The following MAP3K4 variants were observed in gnomAD, a reference collection of about 807,000 sequenced individuals.
MAP3K4 encodes the protein mitogen-activated protein kinase kinase kinase 4.
MAP3K4 carries 67 observed loss-of-function variants against 185.6 expected under a neutral mutation model. The ratio of observed to expected loss-of-function variants is 0.36; its 90% CI spans 0.30 to 0.44. The LOEUF (loss-of-function observed/expected upper bound fraction) is 0.44. Ranked by LOEUF, MAP3K4 falls within the 20% of genes least tolerant of loss-of-function variation. The probability of loss-of-function intolerance (pLI) is 1.00; values close to 1 mark genes in which losing one functional copy is unlikely to be tolerated. For synonymous variants in MAP3K4, 702 were observed against 710.4 expected, an observed-to-expected ratio of 0.99 and a Z score of 0.19; for missense variants, 1,551 against 1,995.1, an observed-to-expected ratio of 0.78 and a Z score of 4.24.
At position 161,103,746 on chromosome 6, in the gene MAP3K4, T is replaced by G. The variant is rs988451895; in HGVS notation, c.3856+967T>G. On this transcript the variant is annotated intron_variant, in intron 19 of 26. Coordinates refer to ENST00000392142, the MANE Select transcript of MAP3K4 (RefSeq NM_005922.4). The surrounding 1 kb of genome is among the most constrained non-coding windows in gnomAD (Gnocchi z 4.6). ...TGAGTAAGACGCTGAGATAGTATAG[T>G]CTGCTAGCCAGAATTGAGGAGAAAG... 2.0e-5 allele frequency among the ~76,000 whole-genome samples: 3 copies of G among 152,198 alleles called. No individual in the cohort carries two copies. Among genetic ancestry groups the G allele is most frequent in the Non-Finnish European group, 4.4e-5 (3 of 68,036 alleles).
chr6:161,071,804 C>T lies in MAP3K4; in HGVS notation c.1950+954C>T, dbSNP rs151123272. Among the ~76,000 whole-genome samples the T allele has an allele frequency of 2.7e-4, 41 of 152,292 alleles. No individual in the cohort carries two copies. In the East Asian group the frequency reaches 6.2e-3, roughly 23 times the overall value. ...TCACCCTCTTGTTTCTGGTTATTGT[C>T]GTGCTGTCCACTTTGGCCTTGCTTT... On this transcript the variant is annotated intron_variant, in intron 4 of 26. Transcript: ENST00000392142. The surrounding 1 kb of genome is among the most constrained non-coding windows in gnomAD (Gnocchi z 4.6).
At chr6:160,999,078 A>C (rs905451036) in intron 1 of MAP3K4, among the ~76,000 whole-genome samples, 2 of 152,244 alleles carry the variant, frequency 1.3e-5, no homozygotes, top group African/African-American at 4.8e-5. Flanking sequence ...AAAGCATTTC[A>C]TACATGGATT....
chr6:161,092,005 T>C lies in MAP3K4; in HGVS notation c.3136-5T>C, dbSNP rs757002316. The C allele has an allele frequency of 4.5e-5, 72 of 1,608,044 alleles. No homozygotes were observed. Among genetic ancestry groups the C allele is most frequent in the South Asian group, 1.1e-5 (1 of 90,948 alleles). ...AATGTTGATATACATGAAATCTTCT[T>C]ACAGTATCATAAAGAAGTTGTTCGT... is the stretch of plus-strand genomic sequence containing the variant. On this transcript the variant is annotated splice_polypyrimidine_tract_variant and splice_region_variant and intron_variant, in intron 12 of 26. Transcript: ENST00000392142.
intron 18 of MAP3K4, among the ~76,000 whole-genome samples, chr6:161,102,349 A>C (rs539316786): frequency 2.4e-4 from 37 of 152,358 alleles, no homozygotes; most frequent in African/African-American, 8.7e-4. Flanking sequence ...TTTATAATGC[A>C]GCCCTCAGGA....
intron 2 of MAP3K4, among the ~76,000 whole-genome samples, chr6:161,038,156 C>T (rs188121671): frequency 9.9e-5 from 15 of 152,166 alleles, no homozygotes; most frequent in African/African-American, 3.6e-4. Context: ...ATTTGAGTGA[C>T]TCCATAGGCA....
At position 161,001,358 on chromosome 6, in the gene MAP3K4, T is replaced by C. The variant is rs139244361; in HGVS notation, c.152+9275T>C. Among the ~76,000 whole-genome samples, 145 of 152,136 alleles carry C rather than the reference T, an allele frequency of 9.5e-4. 1 individual carries two copies. Among genetic ancestry groups the C allele is most frequent in the African/African-American group, 3.3e-3 (138 of 41,516 alleles). On this transcript the variant is annotated intron_variant, in intron 1 of 26. Transcript: ENST00000392142. Reference sequence around the variant, plus strand: ...ATATTCTGTATATGCATGATATATATGTCATATGTAATCTATGTTAGGGTA... The same window carrying C: ...ATATTCTGTATATGCATGATATATACGTCATATGTAATCTATGTTAGGGTA...
chr6:161,010,925 G>A (rs533067721), intron 1 of MAP3K4, among the ~76,000 whole-genome samples: 5 of 152,118 alleles, frequency 3.3e-5, no homozygotes, highest in Admixed American at 6.5e-5. Flanking sequence ...TGTTAGAAGC[G>A]TGTGATCCTT....
At chr6:161,010,463 C>T (rs757296674) in intron 1 of MAP3K4, among the ~76,000 whole-genome samples, 5 of 151,052 alleles carry the variant, frequency 3.3e-5, no homozygotes, top group Non-Finnish European at 7.4e-5. Context: ...TTTCTTGGTT[C>T]AAAACTATAG....
At chr6:161,029,711 T>C (rs1309974824) in intron 1 of MAP3K4, among the ~76,000 whole-genome samples, 1 of 152,226 alleles carries the variant, frequency 6.6e-6, no homozygotes, top group African/African-American at 2.4e-5. Flanking sequence ...ACTGGTCGGC[T>C]GACCACATTA....
At position 161,054,868 on chromosome 6, in the gene MAP3K4, G is replaced by GA. The variant is rs369285750; in HGVS notation, c.1707+4895dup. Among the ~76,000 whole-genome samples, 546 of 152,256 alleles carry GA rather than the reference G, an allele frequency of 3.6e-3. 5 individuals carry two copies. Among genetic ancestry groups the GA allele is most frequent in the African/African-American group, 0.013 (521 of 41,562 alleles). On this transcript the variant is annotated intron_variant, in intron 3 of 26. Coordinates refer to ENST00000392142, the MANE Select transcript of MAP3K4 (RefSeq NM_005922.4). The surrounding 1 kb of genome is among the most constrained non-coding windows in gnomAD (Gnocchi z 4.2). ...CTGGCTGTAAGGACTACCATGATGG[G>GA]AAAAAATAAGAGGAAACCTTACCCT...
chr6:161,046,521 TA>T (rs1562502572), intron 2 of MAP3K4, among the ~76,000 whole-genome samples: 1 of 57,038 alleles, frequency 1.8e-5, no homozygotes, highest in African/African-American at 4.5e-5. Context: ...ATTTTAAATT[TA>T]AAAAATAATA....
At chr6:161,025,672 T>C (rs911362256) in intron 1 of MAP3K4, among the ~76,000 whole-genome samples, 8 of 152,264 alleles carry the variant, frequency 5.3e-5, no homozygotes, top group Non-Finnish European at 1.2e-4. Flanking sequence ...TAGAATGTTT[T>C]TTCCACAAGT....
rs879778194 is a variant in MAP3K4, at chr6:161,084,186, G to A, written c.2256-315G>A. ...CTCTTATCCTATCATTTAGTTTGAG[G>A]CCATTTTATGGAAAATTTCCATTTA... On this transcript the variant is annotated intron_variant, in intron 6 of 26. Transcript: ENST00000392142. This position sits in a 1 kb window ranked among gnomAD's most constrained non-coding sequence, Gnocchi z 4.6. Among the ~76,000 whole-genome samples the A allele has an allele frequency of 6.6e-6, 1 of 152,192 alleles. No homozygotes were observed. The highest frequency in any genetic ancestry group is 1.5e-5 in the Non-Finnish European group (1 of 68,032).
intron 1 of MAP3K4, among the ~76,000 whole-genome samples, chr6:161,014,013 A>G (rs532079664): frequency 6.6e-6 from 1 of 152,314 alleles, no homozygotes; most frequent in East Asian, 1.9e-4. Context: ...TCCCGCCTTC[A>G]TTGTAAACTC....
In MAP3K4 at chr6:161,115,001, A is replaced by G. The variant is rs1778529139; in HGVS notation, c.4627-122A>G. On this transcript the variant is annotated intron_variant, in intron 25 of 26. Transcript: ENST00000392142. This position sits in a 1 kb window ranked among gnomAD's most constrained non-coding sequence, Gnocchi z 6.0. ...ACCTAAAATATTGTTTGGCCCTTTCAGTAAAAATTTGCTGTCCCCTGATAT... is the reference window on the plus strand; with the variant it reads ...ACCTAAAATATTGTTTGGCCCTTTCGGTAAAAATTTGCTGTCCCCTGATAT... 3 of 761,340 alleles carry G rather than the reference A, an allele frequency of 3.9e-6. No individual in the cohort carries two copies. The East Asian group carries it at 7.8e-5, about 20-fold the overall frequency. The allele number at this position is 761,340 out of a possible 1,614,324, so 47.2% of individuals were successfully genotyped here.
chr6:161,056,176 CT>C lies in MAP3K4; in HGVS notation c.1707+6202del, dbSNP rs556284837. On this transcript the variant is annotated intron_variant, in intron 3 of 26. Transcript: ENST00000392142. The surrounding 1 kb of genome is among the most constrained non-coding windows in gnomAD (Gnocchi z 5.4). The stretch of plus-strand genomic sequence containing the variant: ...GTTGTATTATTTTCCTTTTGATTTG[CT>C]TTTTGAATCATTTCTTACTTTCTGG... 3.2e-3 allele frequency among the ~76,000 whole-genome samples: 482 copies of C among 152,158 alleles called. 4 individuals carry two copies. The highest frequency in any genetic ancestry group is 3.6e-3 in the Non-Finnish European group (242 of 67,994).
In MAP3K4 at chr6:161,098,771, G is replaced by C. The variant is rs1562539309; in HGVS notation, c.3674+344G>C. ...CACAGAGAGAGCCTGGAGTCACAAGGTGGTTAAAAGATGGCATCTAGTTAA... is the reference window on the plus strand; with the variant it reads ...CACAGAGAGAGCCTGGAGTCACAAGCTGGTTAAAAGATGGCATCTAGTTAA... On this transcript the variant is annotated intron_variant, in intron 17 of 26. Coordinates refer to ENST00000392142, the MANE Select transcript of MAP3K4 (RefSeq NM_005922.4). The surrounding 1 kb of genome is among the most constrained non-coding windows in gnomAD (Gnocchi z 4.4). Among the ~76,000 whole-genome samples, 1 of 152,292 alleles carries C rather than the reference G, an allele frequency of 6.6e-6. No individual in the cohort carries two copies. Among genetic ancestry groups the C allele is most frequent in the East Asian group, 1.9e-4 (1 of 5,184 alleles).
chr6:161,087,703 T>C lies in MAP3K4; in HGVS notation c.2572T>C (p.Leu858=). Residue 858 remains leucine (L), a synonymous_variant, in exon 10 of 27, where the codon TTA becomes CTA. Coordinates refer to ENST00000392142, the MANE Select transcript of MAP3K4 (RefSeq NM_005922.4). The surrounding 1 kb of genome is among the most constrained non-coding windows in gnomAD (Gnocchi z 4.9). Reference sequence around the variant, plus strand: ...TCTTTTGCAGGTGCAAATTCCTGGGTTAGAAAACTTGCAAATGTTTGTTCC... The same window carrying C: ...TCTTTTGCAGGTGCAAATTCCTGGGCTAGAAAACTTGCAAATGTTTGTTCC... The part of the protein sequence containing the change: ...KQYVKVQIPG[L]ENLQMFVPDT... The C allele has an allele frequency of 1.2e-6, 2 of 1,614,112 alleles. No homozygotes were observed. The highest frequency in any genetic ancestry group is 1.7e-6 in the Non-Finnish European group (2 of 1,180,000).
At chr6:161,102,656 T>G in intron 18 of MAP3K4, 43 bp from the exon 19 acceptor site, 4 of 1,315,388 alleles carry the variant, frequency 3.0e-6, no homozygotes, top group Non-Finnish European at 4.2e-6. Flanking sequence ...ATAAGCATAT[T>G]TATTTCATAA....
Sources: allele counts gnomAD v4.1 joint callset (sites outside exome capture counted in the v4.1 genomes callset), GRCh38; gene constraint gnomAD v4.1.1; non-coding constraint Gnocchi (gnomAD v3.1); transcripts MANE v1.5; gene names NCBI Gene and HGNC (gene_info 2026-07-23, HGNC 2026-07-21).